LRRC28: variants seen among roughly 807,000 people sequenced by gnomAD.
The protein encoded by LRRC28 is leucine rich repeat containing 28, also known as leucine-rich repeat-containing protein 28.
Under a neutral mutation model 45.7 loss-of-function variants are expected in LRRC28, and 39 were observed. The ratio of observed to expected loss-of-function variants is 0.85; its 90% CI spans 0.66 to 1.12. LRRC28 has a LOEUF of 1.12. LRRC28 is among the 50% of genes most tolerant of loss of function. The pLI, the probability that LRRC28 is intolerant of heterozygous loss-of-function variation, is 0.00. For missense variants in LRRC28, 435 were observed against 438.5 expected, an observed-to-expected ratio of 0.99 and a Z score of 0.07; for synonymous variants, 206 against 178.8, an observed-to-expected ratio of 1.15 and a Z score of -1.22.
At chr15:99,259,441 AG>A in intron 2 of LRRC28, 4 of 1,319,438 alleles carry the variant, frequency 3.0e-6, no homozygotes, top group Non-Finnish European at 3.3e-6. Flanking sequence ...AGAGTCATGA[AG>A]CAGTTGAGAA....
chr15:99,364,449 T>C (rs550936199), intron 9 of LRRC28, among the ~76,000 whole-genome samples: 2 of 152,364 alleles, frequency 1.3e-5, no homozygotes, highest in Non-Finnish European at 2.9e-5. Context: ...TGTTTCCTGC[T>C]TACAGGAGCC....
At chr15:99,352,718 C>G (rs1410232337) in intron 7 of LRRC28, among the ~76,000 whole-genome samples, 1 of 152,136 alleles carries the variant, frequency 6.6e-6, no homozygotes, top group South Asian at 2.1e-4. Context: ...TTTCCCCCCA[C>G]ACACCCCAGC....
chr15:99,342,924 T>G (rs1956564270), intron 6 of LRRC28, among the ~76,000 whole-genome samples: 1 of 152,212 alleles, frequency 6.6e-6, no homozygotes, highest in Non-Finnish European at 1.5e-5. Context: ...TTGTGTGTAT[T>G]TAAAGAAGCT....
At chr15:99,296,622 C>T (rs546641150) in intron 5 of LRRC28, among the ~76,000 whole-genome samples, 14 of 152,250 alleles carry the variant, frequency 9.2e-5, no homozygotes, top group Admixed American at 5.2e-4. Context: ...CAGCAATATA[C>T]GTAAATAGAT....
At chr15:99,330,023 A>T (rs1383899970) in intron 5 of LRRC28, among the ~76,000 whole-genome samples, 2 of 152,194 alleles carry the variant, frequency 1.3e-5, no homozygotes, top group East Asian at 3.8e-4. Flanking sequence ...AAGTATTGTT[A>T]GGTTTTTATG....
In LRRC28 at chr15:99,388,135, T is replaced by C. The variant is rs1958083397; in HGVS notation, c.*2033T>C. The C allele has an allele frequency of 6.6e-6, 1 of 152,266 alleles. No homozygotes were observed. The highest frequency in any genetic ancestry group is 1.5e-5 in the Non-Finnish European group (1 of 68,044). The allele number at this position is 152,266 out of a possible 1,614,324, so 9.4% of individuals were successfully genotyped here. The stretch of plus-strand genomic sequence containing the variant: ...GGAATAATTGAAGTTTAACATAACC[T>C]CTACATGTATATAAGTTAGCTGGTG... On this transcript the variant is annotated 3_prime_UTR_variant, in exon 10 of 10. Transcript: ENST00000301981.
At chr15:99,336,116 A>T (rs1956313437) in intron 6 of LRRC28, among the ~76,000 whole-genome samples, 1 of 152,196 alleles carries the variant, frequency 6.6e-6, no homozygotes, top group East Asian at 1.9e-4. Flanking sequence ...TATTATGTAT[A>T]CTACTATGAC....
At chr15:99,256,173 C>A in intron 2 of LRRC28, 48 bp downstream of exon 2, 1 of 1,488,788 alleles carries the variant, frequency 6.7e-7, no homozygotes, top group South Asian at 1.3e-5. Context: ...ACATGTGGTC[C>A]TGATCAAGAT....
chr15:99,327,949 C>T lies in LRRC28; in HGVS notation c.386-5974C>T, dbSNP rs142546598. Among the ~76,000 whole-genome samples, 966 of 152,042 alleles carry T rather than the reference C, an allele frequency of 6.4e-3. 13 individuals carry two copies. The highest frequency in any genetic ancestry group is 0.022 in the African/African-American group (908 of 41,480). On this transcript the variant is annotated intron_variant, in intron 5 of 9. Transcript: ENST00000301981. Reference sequence around the variant, plus strand: ...TTGGCAAAAATATTTTCAAAGTTTCCTTCTGATTTATTTTATTATTATGGG... The same window carrying T: ...TTGGCAAAAATATTTTCAAAGTTTCTTTCTGATTTATTTTATTATTATGGG...
At chr15:99,342,866 G>T (rs563677942) in intron 6 of LRRC28, among the ~76,000 whole-genome samples, 3 of 152,290 alleles carry the variant, frequency 2.0e-5, no homozygotes, top group African/African-American at 7.2e-5. Flanking sequence ...TGTAAAAGGT[G>T]AATAGAAAGA....
intron 2 of LRRC28, among the ~76,000 whole-genome samples, chr15:99,273,644 A>C (rs1320936923): frequency 6.6e-6 from 1 of 152,246 alleles, no homozygotes; most frequent in African/African-American, 2.4e-5. Flanking sequence ...ATAAAGACAT[A>C]GAGATGCTCT....
chr15:99,342,279 G>C (rs897255116), intron 6 of LRRC28, among the ~76,000 whole-genome samples: 2 of 152,110 alleles, frequency 1.3e-5, no homozygotes, highest in South Asian at 2.1e-4. Flanking sequence ...CTTAGCCCCC[G>C]GGGAATCCTG....
At chr15:99,324,477 C>T (rs1472988) in intron 5 of LRRC28, among the ~76,000 whole-genome samples, 30,807 of 151,918 alleles carry the variant, frequency 0.2, 3,364 homozygotes, top group East Asian at 0.41. Context: ...TCAAGTCTGT[C>T]ATTGACTCTC....
chr15:99,259,647 A>G (rs760671644), intron 2 of LRRC28: 16 of 1,428,100 alleles, frequency 1.1e-5, no homozygotes, highest in Admixed American at 1.7e-5. Context: ...ACAAATTACC[A>G]TGCGAGTCGG....
At chr15:99,323,495 T>C (rs935211334) in intron 5 of LRRC28, among the ~76,000 whole-genome samples, 6 of 152,240 alleles carry the variant, frequency 3.9e-5, no homozygotes, top group Non-Finnish European at 7.3e-5. Flanking sequence ...AATGCTGTTC[T>C]TAGCCTTAAA....
chr15:99,382,217 A>G (rs187808580), intron 9 of LRRC28, among the ~76,000 whole-genome samples: 1 of 152,182 alleles, frequency 6.6e-6, no homozygotes, highest in Non-Finnish European at 1.5e-5. Flanking sequence ...TACCTACTCA[A>G]GCCTCAGCAA....
At chr15:99,341,831 A>G (rs147408406) in intron 6 of LRRC28, among the ~76,000 whole-genome samples, 1 of 152,342 alleles carries the variant, frequency 6.6e-6, no homozygotes, top group African/African-American at 2.4e-5. Flanking sequence ...AAAAATGTGC[A>G]GTACTAGTGA....
chr15:99,307,598 A>G (rs1008726617), intron 5 of LRRC28, among the ~76,000 whole-genome samples: 2 of 152,202 alleles, frequency 1.3e-5, no homozygotes, highest in Non-Finnish European at 1.5e-5. Context: ...TCAGACCAAA[A>G]GTATGTACTC....
intron 1 of LRRC28, 157 bp downstream of exon 1, chr15:99,251,698 C>T (rs1265948210): frequency 6.6e-6 from 1 of 152,268 alleles, no homozygotes; most frequent in Non-Finnish European, 1.5e-5. Context: ...CCACAGCTGC[C>T]GGGTCCTCCT....
Sources: allele counts gnomAD v4.1 joint callset (sites outside exome capture counted in the v4.1 genomes callset), GRCh38; gene constraint gnomAD v4.1.1; transcripts MANE v1.5; gene names NCBI Gene and HGNC (gene_info 2026-07-23, HGNC 2026-07-21).